Variants in ADAM2 observed in about 807,000 individuals in gnomAD.
ADAM2 encodes the protein disintegrin and metalloproteinase domain-containing protein 2.
In ADAM2, 101 loss-of-function variants were observed where a neutral mutation model predicts 99.3. That is an observed-to-expected ratio of 1.02 (90% CI 0.87 to 1.20). ADAM2 has a LOEUF of 1.20. Ranked by LOEUF, ADAM2 falls within the 50% of genes most tolerant of loss-of-function variation. ADAM2 has a pLI of 0.00. For missense variants in ADAM2, 948 were observed against 878.7 expected (o/e 1.08, Z -1.00); for synonymous variants, 323 against 287.6 (o/e 1.12, Z -1.25).
intron 10 of ADAM2, among the ~76,000 whole-genome samples, chr8:39,782,136 C>T (rs1803259726): frequency 6.6e-6 from 1 of 152,120 alleles, no homozygotes; most frequent in African/African-American, 2.4e-5. Context: ...GCTTCATGAT[C>T]TTAGAATGGG....
At chr8:39,806,544 A>T (rs1354152712) in intron 7 of ADAM2, among the ~76,000 whole-genome samples, 3 of 149,080 alleles carry the variant, frequency 2.0e-5, no homozygotes, top group African/African-American at 7.3e-5. Context: ...AATATATATA[A>T]AATGCAGGTA....
At chr8:39,821,998 C>T (rs1034166129) in intron 4 of ADAM2, among the ~76,000 whole-genome samples, 10 of 151,976 alleles carry the variant, frequency 6.6e-5, no homozygotes, top group Non-Finnish European at 1.2e-4. Flanking sequence ...TTTTTAATTC[C>T]ATCAAAATGT....
chr8:39,799,768 G>T (rs1804124574), intron 7 of ADAM2, among the ~76,000 whole-genome samples: 1 of 152,166 alleles, frequency 6.6e-6, no homozygotes, highest in African/African-American at 2.4e-5. Flanking sequence ...TTGTCAAATT[G>T]TTCCCTTTAC....
chr8:39,783,899 C>T (rs117011817), intron 10 of ADAM2, among the ~76,000 whole-genome samples: 2,090 of 151,818 alleles, frequency 0.014, 17 homozygotes, highest in Non-Finnish European at 0.019. Flanking sequence ...GAGTCAAGAT[C>T]GCGCCACCCC....
intron 7 of ADAM2, among the ~76,000 whole-genome samples, chr8:39,808,656 G>A (rs1272029324): frequency 1.3e-5 from 2 of 152,146 alleles, no homozygotes; most frequent in African/African-American, 2.4e-5. Context: ...AGTGGCTCAC[G>A]CATGTGGTCC....
At chr8:39,807,330 C>G (rs1167588961) in intron 7 of ADAM2, among the ~76,000 whole-genome samples, 1 of 152,126 alleles carries the variant, frequency 6.6e-6, no homozygotes, top group Non-Finnish European at 1.5e-5. Flanking sequence ...CCTGACTCAC[C>G]CACGACAGAT....
intron 11 of ADAM2, among the ~76,000 whole-genome samples, chr8:39,770,643 A>T (rs1802745436): frequency 6.6e-6 from 1 of 152,200 alleles, no homozygotes; most frequent in Non-Finnish European, 1.5e-5. Context: ...TAAATGTTTT[A>T]TTTATCTCAT....
Position 39,755,844 on chromosome 8 carries a change from T to A in ADAM2, c.1681A>T (p.Thr561Ser), listed in dbSNP as rs1418557199. 1 of 1,604,320 alleles carries A rather than the reference T, an allele frequency of 6.2e-7. No individual in the cohort carries two copies. Among genetic ancestry groups the A allele is most frequent in the Admixed American group, 1.7e-5 (1 of 59,908 alleles). ...CCACTTATGTTGGCATAAATAATAG[T>A]GGCTCTTGGAATTTGTAATAAAAAT... is the stretch of plus-strand genomic sequence containing the variant. ...GKFLLQIPRA[T>S]IIYANISGHL... is the part of the protein sequence containing the mutation. The change falls in exon 16 of 21, where the codon ACT becomes TCT. Residue 561 changes from threonine (T) to serine (S), a missense_variant. Thr to Ser is a moderately conservative substitution (Grantham distance 58, BLOSUM62 1). Coordinates refer to ENST00000265708, the MANE Select transcript of ADAM2 (RefSeq NM_001464.5).
chr8:39,749,148 A>T (rs529909571), intron 18 of ADAM2, among the ~76,000 whole-genome samples, 164 bp downstream of exon 18: 53 of 152,222 alleles, frequency 3.5e-4, no homozygotes, highest in African/African-American at 1.3e-3. Context: ...ATATGTTGTA[A>T]TATATTACTC....
intron 3 of ADAM2, among the ~76,000 whole-genome samples, chr8:39,830,956 A>C (rs1805592333): frequency 6.6e-6 from 1 of 152,086 alleles, no homozygotes; most frequent in Non-Finnish European, 1.5e-5. Context: ...GATCTCAGAG[A>C]GTTGACCTGC....
chr8:39,773,170 C>T lies in ADAM2; in HGVS notation c.1029-3595G>A, dbSNP rs1802850579. Among the ~76,000 whole-genome samples the T allele has an allele frequency of 2.0e-5, 3 of 151,724 alleles. No homozygotes were observed. In the South Asian group the frequency reaches 6.2e-4, roughly 31 times the overall value. ...AAATCCACAAATATTTGAAAATCAA[C>T]TAACCTACATCTAAAATAGCTAGAC... On this transcript the variant is annotated intron_variant, in intron 11 of 20. Coordinates refer to ENST00000265708, the MANE Select transcript of ADAM2 (RefSeq NM_001464.5).
At chr8:39,775,088 C>T (rs1802936455) in intron 11 of ADAM2, among the ~76,000 whole-genome samples, 2 of 152,068 alleles carry the variant, frequency 1.3e-5, no homozygotes, top group Admixed American at 6.6e-5. Context: ...GGAAAATGTA[C>T]AGAATATCTT....
chr8:39,754,285 A>G (rs111548378), intron 16 of ADAM2, among the ~76,000 whole-genome samples: 7 of 152,296 alleles, frequency 4.6e-5, no homozygotes, highest in African/African-American at 1.7e-4. Context: ...GATCACAAAC[A>G]AGATCTATAG....
At chr8:39,801,182 C>G (rs530488164) in intron 7 of ADAM2, among the ~76,000 whole-genome samples, 1 of 152,210 alleles carries the variant, frequency 6.6e-6, no homozygotes, top group African/African-American at 2.4e-5. Context: ...AGGCTGCTGA[C>G]CCTTGGATGA....
At chr8:39,780,833 C>A (rs1803192378) in intron 10 of ADAM2, among the ~76,000 whole-genome samples, 1 of 152,004 alleles carries the variant, frequency 6.6e-6, no homozygotes, top group South Asian at 2.1e-4. Flanking sequence ...TGGTCTTTCT[C>A]TTACCCTTTA....
chr8:39,805,216 C>T (rs191829844), intron 7 of ADAM2, among the ~76,000 whole-genome samples: 2 of 152,316 alleles, frequency 1.3e-5, no homozygotes, highest in East Asian at 3.9e-4. Flanking sequence ...TATCCCACCT[C>T]TTAATACCAT....
In ADAM2 at chr8:39,808,683, C is replaced by T. The variant is rs181065356; in HGVS notation, c.570+727G>A. Among the ~76,000 whole-genome samples the T allele has an allele frequency of 2.5e-3, 376 of 152,142 alleles. 3 individuals carry two copies. The highest frequency in any genetic ancestry group is 7.7e-3 in the African/African-American group (321 of 41,492). On this transcript the variant is annotated intron_variant, in intron 7 of 20. Coordinates refer to ENST00000265708, the MANE Select transcript of ADAM2 (RefSeq NM_001464.5). Reference sequence around the variant, plus strand: ...ATGTGGTCCCAGCACTTTGGGAGGCCGAGGCAGGTGGATCACGAGGTAAAG... The same window carrying T: ...ATGTGGTCCCAGCACTTTGGGAGGCTGAGGCAGGTGGATCACGAGGTAAAG...
intron 6 of ADAM2, among the ~76,000 whole-genome samples, chr8:39,820,035 A>C (rs1400728475): frequency 6.6e-6 from 1 of 152,174 alleles, no homozygotes; most frequent in African/African-American, 2.4e-5. Flanking sequence ...AGTTCATGGC[A>C]TGATGTAGCA....
intron 3 of ADAM2, among the ~76,000 whole-genome samples, chr8:39,832,238 T>C (rs1291590540): frequency 1.3e-5 from 2 of 152,186 alleles, no homozygotes; most frequent in African/African-American, 2.4e-5. Flanking sequence ...CACAGTTTGG[T>C]GCTAGCTCTG....
Sources: gnomAD v4.1 joint callset for allele counts (sites outside exome capture counted in the v4.1 genomes callset) on GRCh38, gnomAD v4.1.1 for gene constraint, MANE v1.5 for transcripts, NCBI Gene and HGNC (gene_info 2026-07-23, HGNC 2026-07-21) for gene names.